MACROD2: variants seen among roughly 807,000 people sequenced by gnomAD.
MACROD2 encodes ADP-ribose glycohydrolase MACROD2.
In MACROD2, 36 loss-of-function variants were observed where a neutral mutation model predicts 70.4. The observed-to-expected ratio is 0.51, with a 90% CI of 0.39 to 0.68. MACROD2 has a LOEUF of 0.68. Ranked by LOEUF, MACROD2 falls within the 30% of genes least tolerant of loss-of-function variation. MACROD2 has a pLI of 0.00. For missense variants in MACROD2, 496 were observed against 538.4 expected, an observed-to-expected ratio of 0.92 and a Z score of 0.78; for synonymous variants, 172 against 178.8, an observed-to-expected ratio of 0.96 and a Z score of 0.30.
At chr20:15,126,094 C>T in intron 5 of MACROD2, among the ~76,000 whole-genome samples, 1 of 138,586 alleles carries the variant, frequency 7.2e-6, no homozygotes. Context: ...AATTGTTGGA[C>T]ATTTGGATTG....
chr20:15,044,574 T>G, intron 5 of MACROD2, among the ~76,000 whole-genome samples: 1 of 152,066 alleles, frequency 6.6e-6, no homozygotes, highest in Non-Finnish European at 1.5e-5. Flanking sequence ...TCTGGCTTCT[T>G]TTTGGGTTTG....
intron 7 of MACROD2, among the ~76,000 whole-genome samples, chr20:15,482,039 C>A (rs555602788): frequency 6.6e-6 from 1 of 152,146 alleles, no homozygotes; most frequent in Non-Finnish European, 1.5e-5. Flanking sequence ...GTCATACCCA[C>A]ACATGCCTAT....
intron 5 of MACROD2, among the ~76,000 whole-genome samples, chr20:14,946,528 C>G (rs1053878922): frequency 6.6e-6 from 1 of 151,466 alleles, no homozygotes; most frequent in Non-Finnish European, 1.5e-5. Context: ...CTTTTTTTTA[C>G]TTTTACTCTG....
At chr20:15,033,706 C>G (rs1035342574) in intron 5 of MACROD2, among the ~76,000 whole-genome samples, 1 of 152,172 alleles carries the variant, frequency 6.6e-6, no homozygotes, top group Admixed American at 6.5e-5. Context: ...AATCATCATT[C>G]ATCATTTTTG....
At chr20:15,914,725 G>T (rs2065287722) in intron 10 of MACROD2, among the ~76,000 whole-genome samples, 1 of 152,122 alleles carries the variant, frequency 6.6e-6, no homozygotes, top group Non-Finnish European at 1.5e-5. Context: ...TATCTAGAGT[G>T]AGCATCAGGT....
chr20:14,159,241 T>C (rs1265609446), intron 3 of MACROD2, among the ~76,000 whole-genome samples: 1 of 151,952 alleles, frequency 6.6e-6, no homozygotes, highest in Non-Finnish European at 1.5e-5. Flanking sequence ...TCTGTCTCAA[T>C]AAAAAAGAAA....
At chr20:14,862,877 G>T (rs1218326916) in intron 5 of MACROD2, among the ~76,000 whole-genome samples, 1 of 149,162 alleles carries the variant, frequency 6.7e-6, no homozygotes, top group Non-Finnish European at 1.5e-5. Context: ...GAGGGATTTT[G>T]AACAATGAGC....
At chr20:14,337,612 C>T (rs1044131816) in intron 3 of MACROD2, 89 of 398,478 alleles carry the variant, frequency 2.2e-4, no homozygotes, top group Non-Finnish European at 3.0e-4. Flanking sequence ...GTTTACTGCA[C>T]ACAGCCCACC....
intron 5 of MACROD2, among the ~76,000 whole-genome samples, chr20:15,175,707 G>A (rs955250670): frequency 6.6e-6 from 1 of 152,212 alleles, no homozygotes; most frequent in Non-Finnish European, 1.5e-5. Flanking sequence ...TATGATAGGA[G>A]TTTTCATGTT....
intron 2 of MACROD2, chr20:14,053,204 A>G (rs2053591965): frequency 6.6e-6 from 1 of 152,090 alleles, no homozygotes; most frequent in Admixed American, 6.5e-5. Context: ...GTTTTGAAGA[A>G]GGAAAAAGAA....
At chr20:14,865,919 T>C (rs1285814713) in intron 5 of MACROD2, among the ~76,000 whole-genome samples, 1 of 152,092 alleles carries the variant, frequency 6.6e-6, no homozygotes, top group Non-Finnish European at 1.5e-5. Flanking sequence ...CAACTTTCAT[T>C]TTCTAAGGAA....
chr20:14,541,892 T>C (rs981720472), intron 4 of MACROD2, among the ~76,000 whole-genome samples: 2 of 152,198 alleles, frequency 1.3e-5, no homozygotes, highest in African/African-American at 4.8e-5. Context: ...GTTCTGATCA[T>C]CATAATACTA....
At chr20:14,692,341 C>T (rs780604106) in intron 5 of MACROD2, among the ~76,000 whole-genome samples, 1 of 152,134 alleles carries the variant, frequency 6.6e-6, no homozygotes, top group Non-Finnish European at 1.5e-5. Context: ...CAGATTAGGG[C>T]TTTTTTTGAA....
intron 8 of MACROD2, among the ~76,000 whole-genome samples, chr20:15,682,333 A>C (rs924276065): frequency 3.3e-5 from 5 of 152,112 alleles, no homozygotes; most frequent in African/African-American, 1.2e-4. Flanking sequence ...ATAAAATCAG[A>C]CTCCACTTAA....
chr20:14,012,045 G>T (rs564304039), intron 2 of MACROD2, among the ~76,000 whole-genome samples: 2 of 152,122 alleles, frequency 1.3e-5, no homozygotes, highest in East Asian at 3.9e-4. Flanking sequence ...GTTAGCTGGG[G>T]TTATAGGCAT....
intron 3 of MACROD2, among the ~76,000 whole-genome samples, chr20:14,166,618 GC>G (rs1168614210): frequency 6.6e-5 from 10 of 152,124 alleles, no homozygotes; most frequent in Non-Finnish European, 1.5e-4. Context: ...TCCAGGTTCA[GC>G]ATGTCTGAAA....
intron 5 of MACROD2, among the ~76,000 whole-genome samples, chr20:15,217,771 G>A (rs964723780): frequency 3.3e-5 from 5 of 151,162 alleles, no homozygotes; most frequent in Non-Finnish European, 7.4e-5. Flanking sequence ...TTATTTTCAG[G>A]TTTTTTTTTC....
intron 5 of MACROD2, among the ~76,000 whole-genome samples, chr20:14,777,100 A>G (rs1712427396): frequency 6.6e-6 from 1 of 152,080 alleles, no homozygotes; most frequent in Non-Finnish European, 1.5e-5. Flanking sequence ...GTTTGGGGAT[A>G]TTATGAATAG....
chr20:15,439,059 A>G (rs888205), intron 7 of MACROD2, among the ~76,000 whole-genome samples: 50,272 of 152,122 alleles, frequency 0.33, 8,784 homozygotes, highest in African/African-American at 0.44. Flanking sequence ...TCAAGAACTT[A>G]TTCAGTTAGA....
Sources: gnomAD v4.1 joint callset for allele counts (sites outside exome capture counted in the v4.1 genomes callset) on GRCh38, gnomAD v4.1.1 for gene constraint, MANE v1.5 for transcripts, NCBI Gene and HGNC (gene_info 2026-07-23, HGNC 2026-07-21) for gene names.